The following NDUFAF3 variants were observed in gnomAD, a reference collection of about 807,000 sequenced individuals.
NDUFAF3 encodes the protein NADH:ubiquinone oxidoreductase complex assembly factor 3.
Under a neutral mutation model 22.6 loss-of-function variants are expected in NDUFAF3, and 21 were observed. That is an observed-to-expected ratio of 0.93 (90% confidence interval 0.66 to 1.34). NDUFAF3 has a LOEUF of 1.34. Among genes scored for constraint, NDUFAF3 ranks in the 40% most tolerant of loss-of-function variants. The pLI, the probability that NDUFAF3 is intolerant of heterozygous loss-of-function variation, is 0.00. For missense variants in NDUFAF3, 251 were observed against 248.4 expected (o/e 1.01, Z -0.07); for synonymous variants, 113 against 104.9 (o/e 1.08, Z -0.47).
chr3:49,022,223 T>C lies in NDUFAF3; in HGVS notation c.77+2T>C. The C allele has an allele frequency of 1.9e-6, 3 of 1,610,886 alleles. No individual in the cohort carries two copies. Among genetic ancestry groups the C allele is most frequent in the Non-Finnish European group, 2.5e-6 (3 of 1,179,644 alleles). The stretch of plus-strand genomic sequence containing the variant: ...CTGTCCGCCCGTTGAGCTTCCCTGG[T>C]GAGCTTGGACCCCGCGCCCTCGACC... On this transcript the variant is annotated splice_donor_variant, in intron 1 of 4. Transcript: ENST00000326925. LOFTEE classifies it high-confidence loss of function. This position sits in a 1 kb window ranked among gnomAD's most constrained non-coding sequence, Gnocchi z 6.6.
In NDUFAF3 at chr3:49,022,281, C is replaced by T. The variant is rs1299243368; in HGVS notation, c.77+60C>T. ...CCCCTAGGGCCGGCGACTGCCAGCC[C>T]AGCACCTTCCGGCCTCTCGGGCTGC... is the stretch of plus-strand genomic sequence containing the variant. On this transcript the variant is annotated intron_variant, in intron 1 of 4. Coordinates refer to ENST00000326925, the MANE Select transcript of NDUFAF3 (RefSeq NM_199069.2). This position sits in a 1 kb window ranked among gnomAD's most constrained non-coding sequence, Gnocchi z 6.6. 4.4e-6 allele frequency: 7 copies of T among 1,607,660 alleles called. No individual in the cohort carries two copies. In the African/African-American group the frequency reaches 8.0e-5, roughly 18 times the overall value.
chr3:49,022,534 G>A lies in NDUFAF3; in HGVS notation c.266G>A (p.Trp89Ter). The A allele has an allele frequency of 6.2e-7, 1 of 1,613,284 alleles. No individual in the cohort carries two copies. Residue 89 changes from tryptophan to a stop codon, truncating the protein, a stop_gained, in exon 2 of 5, where the codon TGG becomes TAG. Transcript: ENST00000326925. LOFTEE classifies it high-confidence loss of function. The surrounding 1 kb of genome is among the most constrained non-coding windows in gnomAD (Gnocchi z 6.6). ...CTGCTCCCGCACTCGGTGGTGCAGT[G>A]GAACGTGAGTCCTGGCCCGCAGTGT... is the stretch of plus-strand genomic sequence containing the variant. ...CALLPHSVVQ[W>*]NVGSHQDITE...
chr3:49,021,805 G>T (rs2093160154), upstream of NDUFAF3: 2 of 376,438 alleles, frequency 5.3e-6, no homozygotes, highest in Non-Finnish European at 9.7e-6. The surrounding 1 kb of genome is among the most constrained non-coding windows in gnomAD (Gnocchi z 4.1). Context: ...GCCCCGCCCC[G>T]GGAGCGCGGC....
chr3:49,021,364 G>A (rs995979714), upstream of NDUFAF3: 1 of 152,586 alleles, frequency 6.6e-6, no homozygotes, highest in African/African-American at 2.4e-5. The surrounding 1 kb of genome is among the most constrained non-coding windows in gnomAD (Gnocchi z 4.1). Flanking sequence ...GGGGACGGGG[G>A]ACTCCCAGGA....
chr3:49,020,641 T>A (rs778868724), upstream of NDUFAF3: 2 of 487,860 alleles, frequency 4.1e-6, no homozygotes, highest in Admixed American at 2.2e-5. Context: ...GGGGACGAAA[T>A]CCAAGCGCAG....
Position 49,023,111 on chromosome 3 carries a change from C to T in NDUFAF3, c.494C>T (p.Ala165Val), listed in dbSNP as rs138275059. The part of the protein sequence containing the change: ...FLCHEGRVTG[A>V]ALIPPPGGTS... Reference sequence around the variant, plus strand: ...TGTCATGAAGGCCGAGTAACTGGAGCTGCTCTCATCCCTCCACCAGGAGGG... The same window carrying T: ...TGTCATGAAGGCCGAGTAACTGGAGTTGCTCTCATCCCTCCACCAGGAGGG... Residue 165 changes from alanine to valine, a missense_variant, in exon 5 of 5, where the codon GCT (alanine) becomes GTT (valine). By Grantham distance (64) the Ala-to-Val change is moderately conservative. Coordinates refer to ENST00000326925, the MANE Select transcript of NDUFAF3 (RefSeq NM_199069.2). 1 of 1,614,072 alleles carries T rather than the reference C, an allele frequency of 6.2e-7. No individual in the cohort carries two copies.
rs1466360477 is a variant in NDUFAF3, at chr3:49,022,876, A to G, written c.338A>G (p.Glu113Gly). Residue 113 changes from glutamate to glycine, a missense_variant and splice_region_variant, in exon 4 of 5, where the codon GAG becomes GGG. By Grantham distance (98) the Glu-to-Gly change is moderately conservative. Coordinates refer to ENST00000326925, the MANE Select transcript of NDUFAF3 (RefSeq NM_199069.2). This position sits in a 1 kb window ranked among gnomAD's most constrained non-coding sequence, Gnocchi z 6.6. Reference protein sequence around the residue: ...SLFWLLEPRIEIVVVGTGDRT... With the variant: ...SLFWLLEPRIGIVVVGTGDRT... The stretch of plus-strand genomic sequence containing the variant: ...ACTAGCCACACCCACCCTTCCCTAG[A>G]GATCGTGGTGGTGGGGACTGGAGAC... 2 of 1,613,746 alleles carry G rather than the reference A, an allele frequency of 1.2e-6. No individual in the cohort carries two copies. The highest frequency in any genetic ancestry group is 2.7e-5 in the African/African-American group (2 of 74,880).
upstream of NDUFAF3, chr3:49,021,833 G>A: frequency 2.2e-6 from 1 of 452,614 alleles, no homozygotes; most frequent in Non-Finnish European, 3.9e-6. This position sits in a 1 kb window ranked among gnomAD's most constrained non-coding sequence, Gnocchi z 4.1. Flanking sequence ...CTGAGAGCCC[G>A]GGGGCCAGGC....
chr3:49,022,780 G>A lies in NDUFAF3; in HGVS notation c.337+12G>A, dbSNP rs767485953. 10 of 1,613,984 alleles carry A rather than the reference G, an allele frequency of 6.2e-6. No individual in the cohort carries two copies. In the East Asian group the frequency reaches 2.2e-4, roughly 36 times the overall value. On this transcript the variant is annotated intron_variant, in intron 3 of 4. Coordinates refer to ENST00000326925, the MANE Select transcript of NDUFAF3 (RefSeq NM_199069.2). This position sits in a 1 kb window ranked among gnomAD's most constrained non-coding sequence, Gnocchi z 6.6. ...GGAGCCCCGGATAGGTACTGGGGAA[G>A]GGGAGGGAGAACAGAGGTGTTCTGG...
rs770941671 is a variant in NDUFAF3 at position 49,022,743 on chromosome 3, C to A, written c.312C>A (p.Leu104=). 16 of 1,613,972 alleles carry A rather than the reference C, an allele frequency of 9.9e-6. 1 individual carries two copies. The South Asian group carries it at 1.1e-4, about 11-fold the overall frequency. ...ACATCACCGAAGACAGCTTTTCCCTCTTCTGGTTGCTGGAGCCCCGGATAG... is the reference window on the plus strand; with the variant it reads ...ACATCACCGAAGACAGCTTTTCCCTATTCTGGTTGCTGGAGCCCCGGATAG... ...HQDITEDSFS[L]FWLLEPRIEI... Residue 104 remains leucine (L), a synonymous_variant, in exon 3 of 5, where the codon CTC becomes CTA. Transcript: ENST00000326925. The surrounding 1 kb of genome is among the most constrained non-coding windows in gnomAD (Gnocchi z 6.6).
At position 49,022,522 on chromosome 3, in the gene NDUFAF3, C is replaced by T. The variant is rs954223025; in HGVS notation, c.254C>T (p.Ser85Leu). The T allele has an allele frequency of 6.2e-7, 1 of 1,613,270 alleles. No individual in the cohort carries two copies. The highest frequency in any genetic ancestry group is 8.5e-7 in the Non-Finnish European group (1 of 1,179,932). The change falls in exon 2 of 5, where the codon TCG becomes TTG. Residue 85 changes from serine to leucine, a missense_variant. Ser to Leu is a moderately radical substitution (Grantham distance 145). Transcript: ENST00000326925. The surrounding 1 kb of genome is among the most constrained non-coding windows in gnomAD (Gnocchi z 6.6). Reference protein sequence around the residue: ...VLGPCALLPHSVVQWNVGSHQ... With the variant: ...VLGPCALLPHLVVQWNVGSHQ... ...GGCCCCTGCGCTCTGCTCCCGCACT[C>T]GGTGGTGCAGTGGAACGTGAGTCCT... is the stretch of plus-strand genomic sequence containing the variant.
At position 49,022,538 on chromosome 3, in the gene NDUFAF3, C is replaced by A; in HGVS notation, c.270C>A (p.Asn90Lys). Residue 90 changes from asparagine (N) to lysine (K), a missense_variant and splice_region_variant, in exon 2 of 5, where the codon AAC (asparagine) becomes AAA (lysine). By Grantham distance (94) the Asn-to-Lys change is moderately conservative. Transcript: ENST00000326925. This position sits in a 1 kb window ranked among gnomAD's most constrained non-coding sequence, Gnocchi z 6.6. ...TCCCGCACTCGGTGGTGCAGTGGAA[C>A]GTGAGTCCTGGCCCGCAGTGTGGAA... ...ALLPHSVVQW[N>K]VGSHQDITED... The A allele has an allele frequency of 1.2e-6, 2 of 1,613,300 alleles. No homozygotes were observed. Among genetic ancestry groups the A allele is most frequent in the Non-Finnish European group, 1.7e-6 (2 of 1,179,932 alleles).
At chr3:49,021,912 T>TG, upstream of NDUFAF3, 1 of 583,588 alleles carries the variant, frequency 1.7e-6, no homozygotes, top group African/African-American at 1.9e-5. The surrounding 1 kb of genome is among the most constrained non-coding windows in gnomAD (Gnocchi z 4.1). Context: ...CCCGGGACTA[T>TG]GGGCAAGGGC....
upstream of NDUFAF3, chr3:49,021,935 G>T: frequency 1.7e-6 from 1 of 599,908 alleles, no homozygotes; most frequent in East Asian, 2.9e-5. The surrounding 1 kb of genome is among the most constrained non-coding windows in gnomAD (Gnocchi z 4.1). Context: ...GGGGCGGGGA[G>T]GGCGGCAGGT....
chr3:49,022,966 T>G lies in NDUFAF3; in HGVS notation c.428T>G (p.Val143Gly), dbSNP rs1395410830. 6.2e-7 allele frequency: 1 copy of G among 1,614,020 alleles called. No homozygotes were observed. The highest frequency in any genetic ancestry group is 1.1e-5 in the South Asian group (1 of 91,054). ...AGGCAGCGGGGCATTGCTGTGGAAG[T>G]GCAGGACACGGTGAGTCCCGGGACT... Reference protein sequence around the residue: ...AMRQRGIAVEVQDTPNACATF... With the variant: ...AMRQRGIAVEGQDTPNACATF... Residue 143 changes from valine (V) to glycine (G), a missense_variant, in exon 4 of 5, where the codon GTG (valine) becomes GGG (glycine). Val to Gly is a moderately radical substitution (Grantham distance 109, BLOSUM62 -3). Transcript: ENST00000326925. This position sits in a 1 kb window ranked among gnomAD's most constrained non-coding sequence, Gnocchi z 6.6.
At chr3:49,020,579 G>A (rs562678985), upstream of NDUFAF3, 52 of 472,450 alleles carry the variant, frequency 1.1e-4, no homozygotes, top group African/African-American at 8.8e-4. Flanking sequence ...AAGTATGTCT[G>A]GGGGTCAGGG....
Position 49,022,533 on chromosome 3 carries a change from T to C in NDUFAF3, c.265T>C (p.Trp89Arg). The C allele has an allele frequency of 6.2e-7, 1 of 1,613,198 alleles. No homozygotes were observed. Among genetic ancestry groups the C allele is most frequent in the East Asian group, 2.2e-5 (1 of 44,870 alleles). The change falls in exon 2 of 5, where the codon TGG becomes CGG. Residue 89 changes from tryptophan to arginine, a missense_variant. By Grantham distance (101) the Trp-to-Arg change is moderately radical. Coordinates refer to ENST00000326925, the MANE Select transcript of NDUFAF3 (RefSeq NM_199069.2). The surrounding 1 kb of genome is among the most constrained non-coding windows in gnomAD (Gnocchi z 6.6). ...TCTGCTCCCGCACTCGGTGGTGCAG[T>C]GGAACGTGAGTCCTGGCCCGCAGTG... ...CALLPHSVVQ[W>R]NVGSHQDITE...
chr3:49,021,967 G>C (rs2093161891), upstream of NDUFAF3: 4 of 650,618 alleles, frequency 6.1e-6, no homozygotes, highest in Admixed American at 2.6e-5. The surrounding 1 kb of genome is among the most constrained non-coding windows in gnomAD (Gnocchi z 4.1). Flanking sequence ...AGCTGCGCCG[G>C]AGGTCGGGGA....
At position 49,022,613 on chromosome 3, in the gene NDUFAF3, T is replaced by A; in HGVS notation, c.270+75T>A. On this transcript the variant is annotated intron_variant, in intron 2 of 4. Transcript: ENST00000326925. The surrounding 1 kb of genome is among the most constrained non-coding windows in gnomAD (Gnocchi z 6.6). The stretch of plus-strand genomic sequence containing the variant: ...TCACCCTGCTTGGTCCCTGCAAACT[T>A]GGCTTTCCTCTGTCTCCTCCTGCAG... 8 of 1,613,352 alleles carry A rather than the reference T, an allele frequency of 5.0e-6. No individual in the cohort carries two copies. Among genetic ancestry groups the A allele is most frequent in the Middle Eastern group, 1.7e-4 (1 of 6,060 alleles).
Sources: gnomAD v4.1 joint callset for allele counts on GRCh38, gnomAD v4.1.1 for gene constraint, Gnocchi (gnomAD v3.1) non-coding constraint, MANE v1.5 for transcripts, NCBI Gene and HGNC (gene_info 2026-07-23, HGNC 2026-07-21) for gene names.